CLTRN: variants seen among roughly 807,000 people sequenced by gnomAD.
CLTRN encodes the protein collectrin, amino acid transport regulator.
CLTRN carries 12 observed loss-of-function variants against 14.5 expected under a neutral mutation model. That is an observed-to-expected ratio of 0.83 (90% CI 0.53 to 1.34). The LOEUF (loss-of-function observed/expected upper bound fraction) is 1.34. Among genes scored for constraint, CLTRN ranks in the 40% most tolerant of loss-of-function variants. The pLI, the probability that CLTRN is intolerant of heterozygous loss-of-function variation, is 0.00. For missense variants in CLTRN, 154 were observed against 165.1 expected (o/e 0.93, Z 0.37); for synonymous variants, 58 against 56.5 (o/e 1.03, Z -0.12).
At chrX:15,665,839 G>A (rs1929610253), upstream of CLTRN, among the ~76,000 whole-genome samples, 1 of 112,047 alleles carries the variant, frequency 8.9e-6, no homozygotes, top group African/African-American at 3.2e-5. Context: ...ATACGGGAGG[G>A]AACTGAGGCT....
chrX:15,657,761 A>G (rs1929409503), intron 3 of CLTRN, among the ~76,000 whole-genome samples: 1 of 112,069 alleles, frequency 8.9e-6, no homozygotes, highest in South Asian at 3.7e-4. Context: ...TAATTTTAAG[A>G]TCTATAAAAC....
At chrX:15,671,838 A>ATG (rs1387448006) in intron 1 of CLTRN, among the ~76,000 whole-genome samples, 2 of 71,629 alleles carry the variant, frequency 2.8e-5, no homozygotes, top group African/African-American at 6.1e-5. Context: ...GCTTAATTTT[A>ATG]TGCGCGCACA....
chrX:15,646,480 C>CCCCCCCCCCCCAA, intron 3 of CLTRN: 2 of 303,355 alleles, frequency 6.6e-6, no homozygotes, highest in Non-Finnish European at 1.3e-5. Context: ...GCCCGACCCC[C>CCCCCCCCCCCCAA]GCGCCAGAAG....
rs1172844345 is a variant in CLTRN, at chrX:15,663,006, C to T, written c.117+1331G>A. On this transcript the variant is annotated intron_variant, in intron 2 of 5. Transcript: ENST00000380342. ...CACCAAGATCCTTCCTGTGATAAGC[C>T]TTTGCACATGCTGTTCCCTCTGCCT... Among the ~76,000 whole-genome samples the T allele has an allele frequency of 1.8e-5, 2 of 111,605 alleles. 1 individual carries two copies. Among genetic ancestry groups the T allele is most frequent in the Non-Finnish European group, 3.8e-5 (2 of 53,183 alleles).
At chrX:15,656,761 T>C (rs1407039079) in intron 3 of CLTRN, among the ~76,000 whole-genome samples, 1 of 110,899 alleles carries the variant, frequency 9.0e-6, no homozygotes, top group East Asian at 2.8e-4. Context: ...AGCAGCTGAA[T>C]TGCATCTTAA....
upstream of CLTRN, among the ~76,000 whole-genome samples, chrX:15,666,664 A>G (rs1042681347): frequency 3.6e-5 from 4 of 111,793 alleles, no homozygotes; most frequent in Admixed American, 2.8e-4. Context: ...CCTTGGTTGC[A>G]AGGACACGGA....
chrX:15,648,537 G>C (rs189296230), intron 3 of CLTRN, among the ~76,000 whole-genome samples: 1 of 111,539 alleles, frequency 9.0e-6, no homozygotes, highest in Non-Finnish European at 1.9e-5. Context: ...TCTTGGCCTG[G>C]CACGGTAGCT....
chrX:15,636,770 G>C (rs1279097757), intron 5 of CLTRN, among the ~76,000 whole-genome samples: 1 of 111,268 alleles, frequency 9.0e-6, no homozygotes, highest in Non-Finnish European at 1.9e-5. Context: ...TGTTTATTTA[G>C]TGCACACTAT....
At position 15,664,375 on chromosome X, in the gene CLTRN, C is replaced by T. The variant is rs1345273431; in HGVS notation, c.79G>A (p.Val27Met). 1.7e-6 allele frequency: 2 copies of T among 1,190,665 alleles called. No homozygotes were observed. The highest frequency in any genetic ancestry group is 2.3e-6 in the Non-Finnish European group (2 of 883,098). Residue 27 changes from valine (V) to methionine (M), a missense_variant, in exon 2 of 6, where the codon GTG (valine) becomes ATG (methionine). Coordinates refer to ENST00000380342, the MANE Select transcript of CLTRN (RefSeq NM_020665.6). ...AGAGCTGTTCTGATACTAAGTCTCA[C>T]TTTAAAAGCATTTTCTGCACCTGCC... Reference protein sequence around the residue: ...CQPGAENAFKVRLSIRTALGD... With the variant: ...CQPGAENAFKMRLSIRTALGD...
At chrX:15,670,749 G>A (rs1055865401) in intron 1 of CLTRN, among the ~76,000 whole-genome samples, 3 of 110,771 alleles carry the variant, frequency 2.7e-5, no homozygotes, top group African/African-American at 9.9e-5. Context: ...CATCTAGTGG[G>A]TAGAGGCCAG....
chrX:15,629,201 G>A (rs759846230), intron 5 of CLTRN, among the ~76,000 whole-genome samples: 13 of 110,973 alleles, frequency 1.2e-4, no homozygotes, highest in African/African-American at 4.3e-4. Flanking sequence ...CCAAATAGCA[G>A]AAAAGAATAG....
In CLTRN at chrX:15,659,907, C is replaced by T. The variant is rs143682661; in HGVS notation, c.118-806G>A. Among the ~76,000 whole-genome samples the T allele has an allele frequency of 4.2e-3, 470 of 112,251 alleles. 3 individuals are homozygous for T. The highest frequency in any genetic ancestry group is 0.015 in the African/African-American group (454 of 30,840). ...CCCAGTCTGTGTTACTCTGTTATGG[C>T]AACCCTAGCAAATTAATATAGTATA... On this transcript the variant is annotated intron_variant, in intron 2 of 5. Transcript: ENST00000380342.
intron 3 of CLTRN, among the ~76,000 whole-genome samples, chrX:15,650,486 T>C (rs1450077346): frequency 1.8e-5 from 2 of 112,256 alleles, no homozygotes; most frequent in African/African-American, 6.5e-5. Flanking sequence ...TATTAATAGT[T>C]ACCTGAATTT....
chrX:15,663,017 C>T lies in CLTRN; in HGVS notation c.117+1320G>A, dbSNP rs1176275844. Among the ~76,000 whole-genome samples, 28 of 111,650 alleles carry T rather than the reference C, an allele frequency of 2.5e-4. No individual in the cohort carries two copies. The Admixed American group carries it at 2.7e-3, about 11-fold the overall frequency. Reference sequence around the variant, plus strand: ...TTCCTGTGATAAGCCTTTGCACATGCTGTTCCCTCTGCCTTTCCTTCTTTC... The same window carrying T: ...TTCCTGTGATAAGCCTTTGCACATGTTGTTCCCTCTGCCTTTCCTTCTTTC... On this transcript the variant is annotated intron_variant, in intron 2 of 5. Coordinates refer to ENST00000380342, the MANE Select transcript of CLTRN (RefSeq NM_020665.6).
At position 15,628,051 on chromosome X, in the gene CLTRN, G is replaced by A. The variant is rs774293078; in HGVS notation, c.589C>T (p.Pro197Ser). 26 of 1,149,435 alleles carry A rather than the reference G, an allele frequency of 2.3e-5. No homozygotes were observed. Among genetic ancestry groups the A allele is most frequent in the Non-Finnish European group, 3.0e-5 (26 of 861,208 alleles). 94.7% of individuals were successfully genotyped at this position (1,149,435 alleles called of 1,213,427 possible). A position where few individuals can be genotyped will look rare whatever the true frequency, so the allele number is the denominator to read the frequency against. ...ENMITIENGIPSDPLDMKGGH... is the reference protein window; with the variant it reads ...ENMITIENGISSDPLDMKGGH... ...CCCTTCATGTCCAGGGGATCAGAGG[G>A]GATGCCATTTTCAATTGTGATCATG... The change falls in exon 6 of 6, where the codon CCC (proline) becomes TCC (serine). Residue 197 changes from proline (P) to serine (S), a missense_variant. Pro to Ser is a moderately conservative substitution (Grantham distance 74, BLOSUM62 -1). Coordinates refer to ENST00000380342, the MANE Select transcript of CLTRN (RefSeq NM_020665.6).
chrX:15,646,980 T>C (rs766832292), intron 3 of CLTRN: 13 of 251,747 alleles, frequency 5.2e-5, no homozygotes, highest in South Asian at 4.5e-4. Flanking sequence ...GTCTCAATCC[T>C]TCCTGGCGGC....
intron 1 of CLTRN, among the ~76,000 whole-genome samples, chrX:15,671,828 G>A (rs191147188): frequency 9.3e-4 from 94 of 100,987 alleles, no homozygotes; most frequent in African/African-American, 3.2e-3. Flanking sequence ...CTTTTGGTAT[G>A]CTTAATTTTA....
intron 5 of CLTRN, among the ~76,000 whole-genome samples, chrX:15,634,841 A>G (rs1370884398): frequency 9.5e-6 from 1 of 104,882 alleles, no homozygotes; most frequent in Non-Finnish European, 2.0e-5. Flanking sequence ...CTAGATGACG[A>G]GTTAGTGGGT....
upstream of CLTRN, among the ~76,000 whole-genome samples, chrX:15,669,060 G>GT (rs777015461): frequency 1.1e-4 from 12 of 111,453 alleles, no homozygotes; most frequent in African/African-American, 3.9e-4. Flanking sequence ...AATTCTTTCT[G>GT]TTTTTTGATT....
Sources: gnomAD v4.1 joint callset for allele counts (sites outside exome capture counted in the v4.1 genomes callset) on GRCh38, gnomAD v4.1.1 for gene constraint, MANE v1.5 for transcripts, NCBI Gene and HGNC (gene_info 2026-07-23, HGNC 2026-07-21) for gene names.